The following EPHA3 variants were observed in gnomAD, a reference collection of about 807,000 sequenced individuals.
EPHA3 encodes EPH receptor A3.
Under a neutral mutation model 107.1 loss-of-function variants are expected in EPHA3, and 42 were observed. That is an observed-to-expected ratio of 0.39 (90% CI 0.31 to 0.51). EPHA3 has a LOEUF of 0.51. Among genes scored for constraint, EPHA3 ranks in the 20% least tolerant of loss-of-function variants. The pLI is 0.78. For synonymous variants in EPHA3, 461 were observed against 424.8 expected (o/e 1.09, Z -1.05); for missense variants, 1,183 against 1,211.2 (o/e 0.98, Z 0.35).
At chr3:89,467,789 G>T (rs1268132250) in intron 15 of EPHA3, among the ~76,000 whole-genome samples, 1 of 152,188 alleles carries the variant, frequency 6.6e-6, no homozygotes, top group Non-Finnish European at 1.5e-5. Context: ...CACTTCCCCT[G>T]AGCAAATATG....
chr3:89,448,538 CT>C (rs1709923909), intron 13 of EPHA3, among the ~76,000 whole-genome samples: 1 of 152,024 alleles, frequency 6.6e-6, no homozygotes, highest in Non-Finnish European at 1.5e-5. Flanking sequence ...TCTCCCATAA[CT>C]TATAAAAGCA....
At chr3:89,219,563 T>G (rs1481164615) in intron 3 of EPHA3, among the ~76,000 whole-genome samples, 3 of 151,820 alleles carry the variant, frequency 2.0e-5, no homozygotes, top group African/African-American at 7.3e-5. Flanking sequence ...AACTTAGATT[T>G]GAGTGGAAAT....
At chr3:89,199,203 T>C (rs1576223669) in intron 2 of EPHA3, among the ~76,000 whole-genome samples, 1 of 152,206 alleles carries the variant, frequency 6.6e-6, no homozygotes, top group Admixed American at 6.5e-5. Flanking sequence ...AATATATTAA[T>C]GATTTATTAG....
intron 3 of EPHA3, among the ~76,000 whole-genome samples, chr3:89,339,037 A>G (rs1231120255): frequency 6.6e-6 from 1 of 152,208 alleles, no homozygotes; most frequent in East Asian, 1.9e-4. Context: ...CCCTGAGATA[A>G]TAACAGTAAA....
intron 15 of EPHA3, 63 bp downstream of exon 15, chr3:89,450,433 G>A (rs1709963534): frequency 6.5e-7 from 1 of 1,530,928 alleles, no homozygotes; most frequent in Non-Finnish European, 8.9e-7. Context: ...TCTCCAAGAT[G>A]TTAATTTTTT....
intron 5 of EPHA3, among the ~76,000 whole-genome samples, chr3:89,357,003 A>T (rs760790828): frequency 7.0e-6 from 1 of 142,380 alleles, no homozygotes; most frequent in African/African-American, 2.5e-5. Context: ...AGCTACTCGG[A>T]AGGCTGAGGC....
chr3:89,457,873 AAT>A (rs1307853365), intron 15 of EPHA3, among the ~76,000 whole-genome samples: 1 of 152,216 alleles, frequency 6.6e-6, no homozygotes, highest in East Asian at 1.9e-4. Context: ...GTGTGAATTC[AAT>A]ATGTTTTATT....
At chr3:89,399,283 G>C (rs1708909041) in intron 6 of EPHA3, 35 bp from the exon 7 acceptor site, 1 of 1,575,046 alleles carries the variant, frequency 6.3e-7, no homozygotes, top group Non-Finnish European at 8.7e-7. Context: ...ATGAAGATTT[G>C]ATTTTAACAT....
intron 16 of EPHA3, among the ~76,000 whole-genome samples, chr3:89,477,872 G>C (rs998974984): frequency 2.0e-5 from 3 of 151,964 alleles, no homozygotes; most frequent in Non-Finnish European, 2.9e-5. Flanking sequence ...TTACCTTCTT[G>C]TGGAGTAAGA....
intron 2 of EPHA3, among the ~76,000 whole-genome samples, chr3:89,166,548 C>T (rs1452796580): frequency 6.6e-6 from 1 of 152,112 alleles, no homozygotes; most frequent in Non-Finnish European, 1.5e-5. Context: ...AAAAACAACA[C>T]CAACCATAAA....
chr3:89,372,048 G>GA (rs200149252), intron 5 of EPHA3, among the ~76,000 whole-genome samples: 2,300 of 150,018 alleles, frequency 0.015, 44 homozygotes, highest in African/African-American at 0.053. Context: ...AGGGAGGAAA[G>GA]AAAAAAAATG....
At chr3:89,108,711 A>G (rs560156509) in intron 1 of EPHA3, among the ~76,000 whole-genome samples, 10 of 152,328 alleles carry the variant, frequency 6.6e-5, no homozygotes, top group Middle Eastern at 3.4e-3. Flanking sequence ...AATGTGTTCT[A>G]TAAGATTGTG....
intron 15 of EPHA3, among the ~76,000 whole-genome samples, chr3:89,458,150 T>C (rs1710137740): frequency 6.6e-6 from 1 of 152,108 alleles, no homozygotes; most frequent in African/African-American, 2.4e-5. Flanking sequence ...TTAGGCACCT[T>C]GTAAGGGGGC....
intron 2 of EPHA3, among the ~76,000 whole-genome samples, chr3:89,188,476 A>T (rs932685667): frequency 6.6e-6 from 1 of 152,096 alleles, no homozygotes; most frequent in Non-Finnish European, 1.5e-5. Context: ...TCTTTCCTAG[A>T]TTCTCCCAAA....
At chr3:89,310,585 A>C (rs2107360410) in intron 3 of EPHA3, among the ~76,000 whole-genome samples, 1 of 151,978 alleles carries the variant, frequency 6.6e-6, no homozygotes, top group African/African-American at 2.4e-5. Flanking sequence ...TCACCTCTCC[A>C]AAAAACAGGG....
chr3:89,302,464 G>A (rs1219091119), intron 3 of EPHA3, among the ~76,000 whole-genome samples: 1 of 152,132 alleles, frequency 6.6e-6, no homozygotes, highest in Non-Finnish European at 1.5e-5. Context: ...CATTTGAGGA[G>A]TTTGACTCTA....
chr3:89,368,680 C>G (rs957328863), intron 5 of EPHA3, among the ~76,000 whole-genome samples: 1 of 150,358 alleles, frequency 6.7e-6, no homozygotes, highest in African/African-American at 2.4e-5. Context: ...GTTCACTGCC[C>G]TCTGCCTTGT....
At position 89,422,441 on chromosome 3, in the gene EPHA3, G is replaced by T. The variant is rs115763043; in HGVS notation, c.2074+3051G>T. On this transcript the variant is annotated intron_variant, in intron 11 of 16. Transcript: ENST00000336596. ...TCAAAAGCAGGCATATCAGTATCTAGATTAATAATCAATGATCTGAGTTCA... is the reference window on the plus strand; with the variant it reads ...TCAAAAGCAGGCATATCAGTATCTATATTAATAATCAATGATCTGAGTTCA... Among the ~76,000 whole-genome samples, 1,427 of 151,428 alleles carry T rather than the reference G, an allele frequency of 9.4e-3. 25 individuals carry two copies. The highest frequency in any genetic ancestry group is 0.033 in the African/African-American group (1,363 of 41,418).
In EPHA3 at chr3:89,407,360, T is replaced by A. The variant is rs1269869916; in HGVS notation, c.1686T>A (p.Val562=). Reference sequence around the variant, plus strand: ...TTCTCCTCACTGTTGTCATCTATGTTTTGATTGGGAGGTGAGTTCACAGTC... The same window carrying A: ...TTCTCCTCACTGTTGTCATCTATGTATTGATTGGGAGGTGAGTTCACAGTC... ...AIILLTVVIY[V]LIGRFCGYKS... is the part of the protein sequence containing the mutation. Residue 562 remains valine, a synonymous_variant, in exon 8 of 17, where the codon GTT becomes GTA. Coordinates refer to ENST00000336596, the MANE Select transcript of EPHA3 (RefSeq NM_005233.6). 1 of 1,613,216 alleles carries A rather than the reference T, an allele frequency of 6.2e-7. No homozygotes were observed. The highest frequency in any genetic ancestry group is 2.2e-5 in the East Asian group (1 of 44,844).
Sources: allele counts gnomAD v4.1 joint callset (sites outside exome capture counted in the v4.1 genomes callset), GRCh38; gene constraint gnomAD v4.1.1; transcripts MANE v1.5; gene names NCBI Gene and HGNC (gene_info 2026-07-23, HGNC 2026-07-21).